Variants in ZNF385D observed in about 807,000 individuals in gnomAD.
The protein encoded by ZNF385D is zinc finger protein 659.
Under a neutral mutation model 35.8 loss-of-function variants are expected in ZNF385D, and 15 were observed. That is an observed-to-expected ratio of 0.42 (90% CI 0.28 to 0.64). ZNF385D has a LOEUF of 0.64. Among genes scored for constraint, ZNF385D ranks in the 30% least tolerant of loss-of-function variants. The pLI is 0.23. For missense variants in ZNF385D, 474 were observed against 494.6 expected (o/e 0.96, Z 0.39); for synonymous variants, 212 against 186.8 (o/e 1.13, Z -1.10).
chr3:21,446,646 A>C (rs975041521), intron 4 of ZNF385D, among the ~76,000 whole-genome samples: 6 of 151,714 alleles, frequency 4.0e-5, no homozygotes, highest in African/African-American at 1.5e-4. Context: ...GGGGTGTGCC[A>C]CCACACCTGG....
At chr3:22,364,704 G>C (rs925003074) in intron 2 of ZNF385D, among the ~76,000 whole-genome samples, 1 of 152,088 alleles carries the variant, frequency 6.6e-6, no homozygotes, top group African/African-American at 2.4e-5. Flanking sequence ...CTAAGTATTA[G>C]AAGTATTATG....
chr3:22,147,571 A>G (rs1704941575), intron 3 of ZNF385D, among the ~76,000 whole-genome samples: 1 of 152,174 alleles, frequency 6.6e-6, no homozygotes, highest in Non-Finnish European at 1.5e-5. Context: ...TGAAATATTA[A>G]TGGTAATATC....
chr3:22,178,589 A>C (rs1360535576), intron 2 of ZNF385D, among the ~76,000 whole-genome samples: 3 of 152,114 alleles, frequency 2.0e-5, no homozygotes, highest in South Asian at 2.1e-4. Context: ...TAGTTTAATT[A>C]GATCCCATTT....
chr3:21,603,315 A>C (rs1037508680), intron 2 of ZNF385D, among the ~76,000 whole-genome samples: 1 of 152,198 alleles, frequency 6.6e-6, no homozygotes, highest in East Asian at 1.9e-4. Flanking sequence ...TCTGTTTTGT[A>C]CTGGAGGAAG....
chr3:22,296,433 T>C (rs1404977621), intron 2 of ZNF385D, among the ~76,000 whole-genome samples: 2 of 152,092 alleles, frequency 1.3e-5, no homozygotes, highest in South Asian at 2.1e-4. Context: ...AATGCTAAAA[T>C]GGGACTGCAA....
chr3:21,494,903 A>G (rs1705708223), intron 4 of ZNF385D, among the ~76,000 whole-genome samples: 1 of 152,208 alleles, frequency 6.6e-6, no homozygotes, highest in South Asian at 2.1e-4. Flanking sequence ...ACTGGTTAAC[A>G]ATATCTGTGT....
At chr3:21,799,962 C>G (rs571650286) in intron 3 of ZNF385D, among the ~76,000 whole-genome samples, 13 of 152,116 alleles carry the variant, frequency 8.5e-5, no homozygotes, top group African/African-American at 3.1e-4. Context: ...TTCATTTTTT[C>G]GCATGTAGAT....
At chr3:22,248,083 A>G (rs1348735051) in intron 2 of ZNF385D, among the ~76,000 whole-genome samples, 2 of 152,184 alleles carry the variant, frequency 1.3e-5, no homozygotes, top group African/African-American at 4.8e-5. Flanking sequence ...AGCTGATGTC[A>G]AGATTCATGA....
At chr3:21,981,095 G>A (rs1022851154) in intron 3 of ZNF385D, among the ~76,000 whole-genome samples, 12 of 152,146 alleles carry the variant, frequency 7.9e-5, no homozygotes, top group African/African-American at 1.4e-4. Flanking sequence ...TAATAGGACT[G>A]CTGGGTTGAA....
chr3:21,647,195 G>A (rs903160347), intron 2 of ZNF385D, among the ~76,000 whole-genome samples: 1 of 152,100 alleles, frequency 6.6e-6, no homozygotes, highest in Non-Finnish European at 1.5e-5. Context: ...TAAATAATAT[G>A]TAACAAAAAC....
intron 3 of ZNF385D, among the ~76,000 whole-genome samples, chr3:22,019,740 G>A (rs1276647763): frequency 6.6e-6 from 1 of 151,770 alleles, no homozygotes; most frequent in East Asian, 1.9e-4. Context: ...TGCCCTCTAT[G>A]CAGGAACAGC....
chr3:22,106,678 A>C (rs1702229792), intron 3 of ZNF385D, among the ~76,000 whole-genome samples: 1 of 152,138 alleles, frequency 6.6e-6, no homozygotes, highest in Non-Finnish European at 1.5e-5. Context: ...CTGACCTCTT[A>C]CCTACTACTT....
At chr3:21,608,012 C>CTTTTTTTT (rs368555930) in intron 2 of ZNF385D, among the ~76,000 whole-genome samples, 59 of 123,940 alleles carry the variant, frequency 4.8e-4, no homozygotes, top group African/African-American at 1.8e-3. Context: ...TCTTTTTCTT[C>CTTTTTTTT]TTTTTTTTTT....
intron 2 of ZNF385D, among the ~76,000 whole-genome samples, chr3:21,639,763 G>T (rs1489461388): frequency 1.3e-5 from 2 of 151,846 alleles, no homozygotes; most frequent in East Asian, 3.9e-4. Context: ...TTATAAACAT[G>T]CCCTGCTTTA....
intron 3 of ZNF385D, among the ~76,000 whole-genome samples, chr3:21,821,686 G>A (rs1369627604): frequency 6.6e-6 from 1 of 152,160 alleles, no homozygotes; most frequent in Non-Finnish European, 1.5e-5. Context: ...AAGTTGGCTA[G>A]GTGTGGTGGC....
chr3:22,142,613 G>A (rs1210587067), intron 3 of ZNF385D, among the ~76,000 whole-genome samples: 1 of 152,028 alleles, frequency 6.6e-6, no homozygotes, highest in Non-Finnish European at 1.5e-5. Context: ...TATCCGCACA[G>A]ATTGTGTTAA....
At chr3:21,917,332 C>A (rs1033375507) in intron 3 of ZNF385D, among the ~76,000 whole-genome samples, 7 of 151,940 alleles carry the variant, frequency 4.6e-5, no homozygotes, top group Non-Finnish European at 8.8e-5. Flanking sequence ...CTCAGAAAGC[C>A]GAGGCAAGAG....
chr3:22,235,037 G>C (rs1444183251), intron 2 of ZNF385D, among the ~76,000 whole-genome samples: 1 of 151,914 alleles, frequency 6.6e-6, no homozygotes, highest in African/African-American at 2.4e-5. Context: ...ATTTCAAGTG[G>C]AGCCACTAAG....
At chr3:22,242,734 T>C (rs999446674) in intron 2 of ZNF385D, among the ~76,000 whole-genome samples, 1 of 151,080 alleles carries the variant, frequency 6.6e-6, no homozygotes, top group Admixed American at 6.6e-5. Flanking sequence ...AAAATATGAA[T>C]AAAGACCATA....
Sources: gnomAD v4.1 joint callset for allele counts (sites outside exome capture counted in the v4.1 genomes callset) on GRCh38, gnomAD v4.1.1 for gene constraint, MANE v1.5 for transcripts, NCBI Gene and HGNC (gene_info 2026-07-23, HGNC 2026-07-21) for gene names.